ZNF385B: variants seen among roughly 807,000 people sequenced by gnomAD.
ZNF385B encodes zinc finger protein 533.
A neutral mutation model predicts 39.2 loss-of-function variants in ZNF385B; 23 were observed. The observed-to-expected ratio is 0.59, with a 90% CI of 0.42 to 0.83. The LOEUF is 0.83. ZNF385B is among the 40% of genes least tolerant of loss of function. ZNF385B has a pLI of 0.00. For missense variants in ZNF385B, 552 were observed against 598.9 expected (o/e 0.92, Z 0.82); for synonymous variants, 205 against 222.6 (o/e 0.92, Z 0.70).
At chr2:179,749,940 C>A (rs1050273799) in intron 3 of ZNF385B, among the ~76,000 whole-genome samples, 1 of 152,048 alleles carries the variant, frequency 6.6e-6, no homozygotes, top group Non-Finnish European at 1.5e-5. Flanking sequence ...GATAATCCGT[C>A]CTTCACTAAA....
At chr2:179,767,884 T>A (rs1156804058) in intron 3 of ZNF385B, among the ~76,000 whole-genome samples, 1 of 150,114 alleles carries the variant, frequency 6.7e-6, no homozygotes, top group Non-Finnish European at 1.5e-5. Context: ...AACTTAGGTA[T>A]CAGTTTTGAA....
intron 3 of ZNF385B, among the ~76,000 whole-genome samples, chr2:179,687,594 T>C (rs914773652): frequency 6.6e-6 from 1 of 152,176 alleles, no homozygotes; most frequent in African/African-American, 2.4e-5. Context: ...TACTATATTA[T>C]CCCTATGTTC....
At chr2:179,687,217 C>G (rs1174720810) in intron 3 of ZNF385B, among the ~76,000 whole-genome samples, 1 of 150,992 alleles carries the variant, frequency 6.6e-6, no homozygotes, top group Non-Finnish European at 1.5e-5. Flanking sequence ...AACTGGGAAA[C>G]TCTCCAGGGG....
chr2:179,520,481 G>A (rs895944294), intron 4 of ZNF385B, among the ~76,000 whole-genome samples: 1 of 151,968 alleles, frequency 6.6e-6, no homozygotes, highest in Non-Finnish European at 1.5e-5. Context: ...ATCTCAAAAG[G>A]TCAGAAAATA....
intron 3 of ZNF385B, among the ~76,000 whole-genome samples, chr2:179,711,745 G>C (rs917034201): frequency 4.6e-5 from 7 of 151,998 alleles, no homozygotes; most frequent in Non-Finnish European, 1.0e-4. Flanking sequence ...AAGTGAAAAT[G>C]GTATATAAAC....
intron 6 of ZNF385B, among the ~76,000 whole-genome samples, chr2:179,455,594 AAATT>A (rs2050603007): frequency 6.6e-6 from 1 of 152,096 alleles, no homozygotes; most frequent in Non-Finnish European, 1.5e-5. Context: ...TTTCGTTTAT[AAATT>A]ACCTAGTCTC....
At chr2:179,703,799 C>T (rs1699388468) in intron 3 of ZNF385B, among the ~76,000 whole-genome samples, 1 of 152,272 alleles carries the variant, frequency 6.6e-6, no homozygotes, top group East Asian at 1.9e-4. Context: ...TACATAGTCC[C>T]TTAAAGAGTT....
At chr2:179,462,216 A>C (rs2051411035) in intron 6 of ZNF385B, among the ~76,000 whole-genome samples, 1 of 152,222 alleles carries the variant, frequency 6.6e-6, no homozygotes, top group Non-Finnish European at 1.5e-5. Flanking sequence ...ACTGTTTAAC[A>C]CTCATTAAAC....
intron 3 of ZNF385B, chr2:179,660,052 A>T (rs144571364): frequency 1.2e-4 from 19 of 152,742 alleles, no homozygotes; most frequent in African/African-American, 4.6e-4. Context: ...AAAACAAATC[A>T]ACATTTGTAA....
At chr2:179,479,854 T>G (rs923694015) in intron 6 of ZNF385B, among the ~76,000 whole-genome samples, 2 of 151,852 alleles carry the variant, frequency 1.3e-5, no homozygotes, top group Non-Finnish European at 2.9e-5. Context: ...AATAAATAAA[T>G]AAATAAAAAA....
At chr2:179,598,158 T>C (rs965391324) in intron 3 of ZNF385B, among the ~76,000 whole-genome samples, 3 of 152,126 alleles carry the variant, frequency 2.0e-5, no homozygotes, top group African/African-American at 7.2e-5. Context: ...ATAATATTAG[T>C]AAATTGTGAC....
chr2:179,810,927 G>T (rs1046024546), intron 1 of ZNF385B, among the ~76,000 whole-genome samples: 2 of 152,000 alleles, frequency 1.3e-5, no homozygotes, highest in African/African-American at 4.8e-5. Context: ...TCCATCAAAA[G>T]GTTCCCAGAA....
intron 3 of ZNF385B, among the ~76,000 whole-genome samples, chr2:179,609,310 T>A (rs892405699): frequency 9.2e-5 from 14 of 152,148 alleles, no homozygotes; most frequent in Non-Finnish European, 2.1e-4. Flanking sequence ...CCCACAGATA[T>A]GTGAGAACAT....
At chr2:179,515,069 C>A (rs747874545) in intron 5 of ZNF385B, among the ~76,000 whole-genome samples, 1 of 152,168 alleles carries the variant, frequency 6.6e-6, no homozygotes, top group Admixed American at 6.5e-5. Context: ...TGAGCCATTG[C>A]ACCCAGCCTC....
At chr2:179,767,847 A>G (rs1312488848) in intron 3 of ZNF385B, among the ~76,000 whole-genome samples, 1 of 151,382 alleles carries the variant, frequency 6.6e-6, no homozygotes, top group Non-Finnish European at 1.5e-5. Flanking sequence ...ATGTAATTCA[A>G]ACTTTTACTC....
At chr2:179,687,583 C>T (rs964186402) in intron 3 of ZNF385B, among the ~76,000 whole-genome samples, 1 of 152,140 alleles carries the variant, frequency 6.6e-6, no homozygotes, top group Non-Finnish European at 1.5e-5. Flanking sequence ...GAAAAAGGAG[C>T]TACTATATTA....
chr2:179,600,079 G>A (rs1688295140), intron 3 of ZNF385B, among the ~76,000 whole-genome samples: 1 of 152,108 alleles, frequency 6.6e-6, no homozygotes, highest in Non-Finnish European at 1.5e-5. Context: ...TTTGTTTATT[G>A]GTTCATTAGT....
intron 3 of ZNF385B, among the ~76,000 whole-genome samples, chr2:179,720,285 C>G (rs1423669608): frequency 2.0e-5 from 3 of 151,500 alleles, no homozygotes; most frequent in Non-Finnish European, 4.4e-5. Flanking sequence ...CAAAAGAATA[C>G]ATTTAGAATA....
intron 5 of ZNF385B, among the ~76,000 whole-genome samples, chr2:179,487,946 G>T (rs1023460647): frequency 6.6e-6 from 1 of 152,140 alleles, no homozygotes; most frequent in Non-Finnish European, 1.5e-5. Flanking sequence ...TGACAACTTG[G>T]AATGTTTTCT....
Sources: gnomAD v4.1 joint callset for allele counts (sites outside exome capture counted in the v4.1 genomes callset) on GRCh38, gnomAD v4.1.1 for gene constraint, MANE v1.5 for transcripts, NCBI Gene and HGNC (gene_info 2026-07-23, HGNC 2026-07-21) for gene names.